POLB: variants seen among roughly 807,000 people sequenced by gnomAD.
POLB encodes DNA polymerase beta, also known as 5'-dRP lyase.
Under a neutral mutation model 52.7 loss-of-function variants are expected in POLB, and 37 were observed. The ratio of observed to expected loss-of-function variants is 0.70; its 90% CI spans 0.54 to 0.92. POLB has a LOEUF of 0.92. Among genes scored for constraint, POLB ranks in the 40% least tolerant of loss-of-function variants. The pLI is 0.00. For missense variants in POLB, 313 were observed against 400.8 expected, an observed-to-expected ratio of 0.78 and a Z score of 1.87; for synonymous variants, 138 against 131.3, an observed-to-expected ratio of 1.05 and a Z score of -0.35.
intron 6 of POLB, among the ~76,000 whole-genome samples, chr8:42,352,979 CAGG>C (rs1363408412): frequency 6.6e-6 from 1 of 150,610 alleles, no homozygotes; most frequent in Non-Finnish European, 1.5e-5. Context: ...GAGGCTGAGG[CAGG>C]AGAATTGCTT....
intron 2 of POLB, among the ~76,000 whole-genome samples, chr8:42,344,400 C>T (rs892161659): frequency 1.3e-5 from 2 of 150,866 alleles, no homozygotes; most frequent in African/African-American, 4.9e-5. Context: ...ACCCCAGAGG[C>T]GGAGGTTGTG....
intron 11 of POLB, among the ~76,000 whole-genome samples, chr8:42,367,894 A>AT (rs1266422868): frequency 6.6e-6 from 1 of 152,140 alleles, no homozygotes; most frequent in East Asian, 1.9e-4. Flanking sequence ...GCCTTGGGTG[A>AT]TTTTCTGTGA....
At chr8:42,341,730 T>G (rs561937321) in intron 2 of POLB, 11 of 364,200 alleles carry the variant, frequency 3.0e-5, no homozygotes, top group Non-Finnish European at 5.8e-5. Flanking sequence ...AAGTTTATTG[T>G]CTTTATCTGA....
At chr8:42,348,436 G>A (rs1336746892) in intron 3 of POLB, among the ~76,000 whole-genome samples, 2 of 152,190 alleles carry the variant, frequency 1.3e-5, no homozygotes, top group Non-Finnish European at 2.9e-5. Context: ...TATGTGGCTA[G>A]TGTACCATGT....
At chr8:42,350,371 G>C (rs1481348920) in intron 5 of POLB, among the ~76,000 whole-genome samples, 13 of 152,036 alleles carry the variant, frequency 8.6e-5, no homozygotes, top group Admixed American at 8.5e-4. Context: ...TCCTGCTCCA[G>C]CTTGGCCTCT....
intron 13 of POLB, among the ~76,000 whole-genome samples, chr8:42,370,896 C>T (rs1290354766): frequency 6.6e-6 from 1 of 152,144 alleles, no homozygotes; most frequent in African/African-American, 2.4e-5. Context: ...AGCTGGCGGG[C>T]CATGGTTGGA....
chr8:42,342,252 A>C, intron 2 of POLB: 1 of 1,546,278 alleles, frequency 6.5e-7, no homozygotes, highest in Non-Finnish European at 8.8e-7. Context: ...ACATTGTATT[A>C]TCGCCAGTCA....
At chr8:42,339,163 T>C (rs1822038384) in intron 2 of POLB, 94 bp downstream of exon 2, 1 of 972,866 alleles carries the variant, frequency 1.0e-6, no homozygotes, top group African/African-American at 1.6e-5. Context: ...GGATATTTGG[T>C]CCATCTGCAA....
chr8:42,370,259 G>GTTTTTTTTTTTTT (rs34271342), intron 13 of POLB: 35 of 290,600 alleles, frequency 1.2e-4, no homozygotes, highest in Admixed American at 2.3e-4. Flanking sequence ...ATCTAAAAGG[G>GTTTTTTTTTTTTT]TTTTTTTTTT....
At chr8:42,352,623 T>TA in intron 6 of POLB, 55 bp downstream of exon 6, 8 of 1,025,994 alleles carry the variant, frequency 7.8e-6, no homozygotes, top group Non-Finnish European at 9.2e-6. Flanking sequence ...TGAAGGACCA[T>TA]TAGTGCTCTA....
chr8:42,342,145 A>C, intron 2 of POLB: 2 of 1,508,394 alleles, frequency 1.3e-6, no homozygotes, highest in Non-Finnish European at 1.8e-6. Flanking sequence ...ACAAGCCTCC[A>C]TCCAGGTCAC....
At chr8:42,370,271 T>C in intron 13 of POLB, 1 of 452,126 alleles carries the variant, frequency 2.2e-6, no homozygotes, top group Non-Finnish European at 4.0e-6. Context: ...TTTTTTTTTT[T>C]TTTTTTTTTT....
Position 42,362,700 on chromosome 8 carries a change from TA to T in POLB, c.708+4del. The stretch of plus-strand genomic sequence containing the variant: ...TCAAAGGGTGAGACAAAGTTCATGG[TA>T]AGTACTTGTTAGAGTTAGCACATCT... On this transcript the variant is annotated splice_donor_region_variant and intron_variant, in intron 11 of 13. Coordinates refer to ENST00000265421, the MANE Select transcript of POLB (RefSeq NM_002690.3). 1 of 1,562,886 alleles carries T rather than the reference TA, an allele frequency of 6.4e-7. No individual in the cohort carries two copies. The highest frequency in any genetic ancestry group is 8.8e-7 in the Non-Finnish European group (1 of 1,134,182).
Position 42,368,414 on chromosome 8 carries a change from G to C in POLB, c.709-857G>C, listed in dbSNP as rs890829734. ...CTATTTTGCTGAGTGAAAAAGTATG[G>C]CTTTTAGTGGCATGTGTTAACTTGA... On this transcript the variant is annotated intron_variant, in intron 11 of 13. Transcript: ENST00000265421. Among the ~76,000 whole-genome samples the C allele has an allele frequency of 4.6e-5, 7 of 152,188 alleles. 1 individual carries two copies. Among genetic ancestry groups the C allele is most frequent in the African/African-American group, 1.7e-4 (7 of 41,454 alleles).
chr8:42,362,174 C>T (rs1340239642), intron 10 of POLB, among the ~76,000 whole-genome samples: 2 of 151,842 alleles, frequency 1.3e-5, no homozygotes, highest in African/African-American at 4.8e-5. Context: ...GCAGGAGAAT[C>T]GCTTGAACCC....
intron 4 of POLB, 119 bp from the exon 5 acceptor site, chr8:42,349,888 C>T (rs1822865190): frequency 1.4e-6 from 1 of 697,488 alleles, no homozygotes; most frequent in Non-Finnish European, 2.5e-6. Context: ...TTGTGTGGGT[C>T]ACCCAGGCAA....
At chr8:42,344,250 C>T (rs184991545) in intron 2 of POLB, among the ~76,000 whole-genome samples, 1 of 150,540 alleles carries the variant, frequency 6.6e-6, no homozygotes, top group East Asian at 2.0e-4. Flanking sequence ...GGGTGGATCA[C>T]CTGAGGTCAG....
chr8:42,359,668 A>T (rs1439392576), intron 9 of POLB, among the ~76,000 whole-genome samples: 2 of 146,542 alleles, frequency 1.4e-5, no homozygotes, highest in Non-Finnish European at 3.0e-5. Flanking sequence ...CCGGCCCCTT[A>T]TTCTTTTTTG....
intron 2 of POLB, chr8:42,341,982 A>G: frequency 5.4e-6 from 4 of 746,654 alleles, no homozygotes; most frequent in Non-Finnish European, 9.8e-6. Context: ...ATGTATTGAG[A>G]GAACTGTTTC....
Sources: gnomAD v4.1 joint callset for allele counts (sites outside exome capture counted in the v4.1 genomes callset) on GRCh38, gnomAD v4.1.1 for gene constraint, MANE v1.5 for transcripts, NCBI Gene and HGNC (gene_info 2026-07-23, HGNC 2026-07-21) for gene names.